PDCD11: variants seen among roughly 807,000 people sequenced by gnomAD.
PDCD11 encodes programmed cell death 11.
A neutral mutation model predicts 198.9 loss-of-function variants in PDCD11; 97 were observed. The observed-to-expected ratio is 0.49, with a 90% CI of 0.41 to 0.58. The LOEUF (loss-of-function observed/expected upper bound fraction) is 0.58, where lower values mean the gene tolerates loss of function less well. PDCD11 is among the 20% of genes least tolerant of loss of function. The probability of loss-of-function intolerance (pLI) is 0.00; values close to 1 mark genes in which losing one functional copy is unlikely to be tolerated. For missense variants in PDCD11, 2,102 were observed against 2,312.7 expected, an observed-to-expected ratio of 0.91 and a Z score of 1.87; for synonymous variants, 893 against 918.0, an observed-to-expected ratio of 0.97 and a Z score of 0.49.
At chr10:103,411,122 G>T (rs2030779426) in intron 8 of PDCD11, among the ~76,000 whole-genome samples, 1 of 151,268 alleles carries the variant, frequency 6.6e-6, no homozygotes, top group Non-Finnish European at 1.5e-5. Flanking sequence ...TCGCCATGTT[G>T]CCCAGACTGG....
rs903187855 is a variant in PDCD11 at position 103,430,626 on chromosome 10, C to T, written c.3369-1503C>T. On this transcript the variant is annotated intron_variant, in intron 21 of 35. Transcript: ENST00000369797. ...ATTTCTCTACATCCTCGCCAACACT[C>T]GTTATTTTCTTTTTTTTTTTTTTTT... Among the ~76,000 whole-genome samples the T allele has an allele frequency of 7.5e-4, 113 of 150,270 alleles. 1 individual carries two copies. Among genetic ancestry groups the T allele is most frequent in the African/African-American group, 2.5e-3 (101 of 40,992 alleles).
intron 19 of PDCD11, among the ~76,000 whole-genome samples, chr10:103,424,419 T>C (rs1413919237): frequency 6.6e-6 from 1 of 152,144 alleles, no homozygotes; most frequent in Non-Finnish European, 1.5e-5. Flanking sequence ...AATACTAACC[T>C]CTCATTCAGT....
intron 18 of PDCD11, 112 bp from the exon 19 acceptor site, chr10:103,423,431 A>G (rs779462544): frequency 2.5e-6 from 2 of 805,536 alleles, no homozygotes; most frequent in Admixed American, 2.1e-5. Context: ...GACCCAGGAC[A>G]TGTGTCCTCT....
chr10:103,401,029 A>G (rs911272574), intron 3 of PDCD11, among the ~76,000 whole-genome samples: 1 of 152,116 alleles, frequency 6.6e-6, no homozygotes. Flanking sequence ...TGTTGGGATT[A>G]TAGACATGAG....
Position 103,423,473 on chromosome 10 carries a change from C to T in PDCD11, c.2648-70C>T, listed in dbSNP as rs886344189. 6 of 1,152,624 alleles carry T rather than the reference C, an allele frequency of 5.2e-6. No homozygotes were observed. In the African/African-American group the frequency reaches 6.1e-5, roughly 12 times the overall value. 71.4% of individuals were successfully genotyped at this position (1,152,624 alleles called of 1,614,324 possible). ...TTTTGGATCTAAGGGGTAGCAGCTACATGTGAGAGGTGCTGCTCTCCCTTC... is the reference window on the plus strand; with the variant it reads ...TTTTGGATCTAAGGGGTAGCAGCTATATGTGAGAGGTGCTGCTCTCCCTTC... On this transcript the variant is annotated intron_variant, in intron 18 of 35. Transcript: ENST00000369797.
In PDCD11 at chr10:103,406,755, C is replaced by A; in HGVS notation, c.835C>A (p.Leu279Ile). The A allele has an allele frequency of 6.2e-7, 1 of 1,614,100 alleles. No homozygotes were observed. The highest frequency in any genetic ancestry group is 8.5e-7 in the Non-Finnish European group (1 of 1,179,972). Reference protein sequence around the residue: ...EQQSWNLNNLLPGLVVKAQVQ... With the variant: ...EQQSWNLNNLIPGLVVKAQVQ... ...GCAGAGCTGGAACCTTAATAACTTG[C>A]TACCAGGACTGGTGGTCAAAGCTCA... Residue 279 changes from leucine to isoleucine, a missense_variant, in exon 7 of 36, where the codon CTA (leucine) becomes ATA (isoleucine). By Grantham distance (5) the Leu-to-Ile change is conservative (BLOSUM62 2). Coordinates refer to ENST00000369797, the MANE Select transcript of PDCD11 (RefSeq NM_014976.2).
In PDCD11 at chr10:103,444,676, A is replaced by C; in HGVS notation, c.5438A>C (p.Asp1813Ala). ...DMTIKHGSQK[D>A]VRDIFERVIH... ...ACCATCAAGCACGGCAGCCAGAAGG[A>C]CGTCCGGTGAGTGGGGCAGCTGGCC... is the stretch of plus-strand genomic sequence containing the variant. Residue 1813 changes from aspartate (D) to alanine (A), a missense_variant, in exon 35 of 36, where the codon GAC becomes GCC. Transcript: ENST00000369797. The C allele has an allele frequency of 6.2e-7, 1 of 1,613,636 alleles. No individual in the cohort carries two copies. Among genetic ancestry groups the C allele is most frequent in the South Asian group, 1.1e-5 (1 of 91,060 alleles).
chr10:103,418,539 G>A lies in PDCD11; in HGVS notation c.2011G>A (p.Asp671Asn). The change falls in exon 15 of 36, where the codon GAC becomes AAC. Residue 671 changes from aspartate to asparagine, a missense_variant. By Grantham distance (23) the Asp-to-Asn change is conservative (BLOSUM62 1). Coordinates refer to ENST00000369797, the MANE Select transcript of PDCD11 (RefSeq NM_014976.2). ...RAFLPTSHLS[D>N]HVANGPLLHH... ...TTTCCTCCCCACATCTCATCTGTCG[G>A]ACCACGTTGCCAACGGCCCATTGTT... 1 of 1,614,160 alleles carries A rather than the reference G, an allele frequency of 6.2e-7. No individual in the cohort carries two copies. Among genetic ancestry groups the A allele is most frequent in the Non-Finnish European group, 8.5e-7 (1 of 1,180,032 alleles).
Position 103,438,048 on chromosome 10 carries a change from G to T in PDCD11, c.3879G>T (p.Leu1293Phe). The T allele has an allele frequency of 6.2e-7, 1 of 1,613,612 alleles. No homozygotes were observed. The highest frequency in any genetic ancestry group is 1.1e-5 in the South Asian group (1 of 91,030). The change falls in exon 26 of 36, where the codon TTG becomes TTT. Residue 1293 changes from leucine to phenylalanine, a missense_variant. Physicochemically the swap from Leu to Phe is conservative, Grantham distance 22. Transcript: ENST00000369797. ...TCCTGTCCACTGCAGACAACGTATT[G>T]ACTTTGTCGCTGCGATCATCCAGGT... ...CYILSTADNVLTLSLRSSRTN... is the reference protein window; with the variant it reads ...CYILSTADNVFTLSLRSSRTN...
At chr10:103,424,215 A>T (rs1205747777) in intron 19 of PDCD11, among the ~76,000 whole-genome samples, 1 of 152,154 alleles carries the variant, frequency 6.6e-6, no homozygotes, top group African/African-American at 2.4e-5. Context: ...TGTCTTCTGG[A>T]CACTTTTGTG....
rs1283858084 is a variant in PDCD11, at chr10:103,400,460, A to G, written c.166A>G (p.Lys56Glu). 1.2e-6 allele frequency: 2 copies of G among 1,614,106 alleles called. No homozygotes were observed. The highest frequency in any genetic ancestry group is 1.1e-5 in the South Asian group (1 of 91,070). Residue 56 changes from lysine (K) to glutamate (E), a missense_variant, in exon 3 of 36, where the codon AAG (lysine) becomes GAG (glutamate). Transcript: ENST00000369797. Reference sequence around the variant, plus strand: ...CCAGAAGGGGCCAGCAAAAACAAAAAAGTTGAAAATCGAAAAGAGAGAAAG... The same window carrying G: ...CCAGAAGGGGCCAGCAAAAACAAAAGAGTTGAAAATCGAAAAGAGAGAAAG... Reference protein sequence around the residue: ...KSQKGPAKTKKLKIEKRESSK... With the variant: ...KSQKGPAKTKELKIEKRESSK...
chr10:103,410,800 G>T (rs967429145), intron 8 of PDCD11, among the ~76,000 whole-genome samples: 21 of 151,758 alleles, frequency 1.4e-4, no homozygotes, highest in Non-Finnish European at 2.2e-4. Context: ...TTTAGGCCAG[G>T]TGTGGTGGCT....
chr10:103,412,899 T>G (rs540863151), intron 8 of PDCD11, among the ~76,000 whole-genome samples: 3 of 152,326 alleles, frequency 2.0e-5, no homozygotes, highest in African/African-American at 7.2e-5. Flanking sequence ...ATACCTGGCT[T>G]GAGTAAGCTT....
Position 103,417,880 on chromosome 10 carries a change from A to G in PDCD11, c.1859A>G (p.Lys620Arg). The change falls in exon 14 of 36, where the codon AAA (lysine) becomes AGA (arginine). Residue 620 changes from lysine (K) to arginine (R), a missense_variant. Physicochemically the swap from Lys to Arg is conservative, Grantham distance 26. Transcript: ENST00000369797. The stretch of plus-strand genomic sequence containing the variant: ...CTGTCGAGTGATCCAGAGCCAAAGA[A>G]AGAGCCTGCAGGACACAGTCAGAAG... Reference protein sequence around the residue: ...FKLSSDPEPKKEPAGHSQKKG... With the variant: ...FKLSSDPEPKREPAGHSQKKG... 4 of 1,614,238 alleles carry G rather than the reference A, an allele frequency of 2.5e-6. No individual in the cohort carries two copies. In the South Asian group the frequency reaches 4.4e-5, roughly 18 times the overall value.
At chr10:103,417,748 G>C (rs376901515) in intron 13 of PDCD11, 44 bp from the exon 14 acceptor site, 9 of 1,602,990 alleles carry the variant, frequency 5.6e-6, no homozygotes, top group African/African-American at 1.3e-5. Context: ...GGCCTGCAAG[G>C]CTTGCTGGGA....
chr10:103,410,290 C>G (rs1324184949), intron 8 of PDCD11, among the ~76,000 whole-genome samples: 1 of 150,442 alleles, frequency 6.6e-6, no homozygotes, highest in Non-Finnish European at 1.5e-5. Flanking sequence ...AGTGGCTGAA[C>G]TGAAATTAGA....
rs2292806 is a variant in PDCD11, at chr10:103,406,369, G to A, written c.689-240G>A. Among the ~76,000 whole-genome samples, 102 of 152,248 alleles carry A rather than the reference G, an allele frequency of 6.7e-4. No homozygotes were observed. In the East Asian group the frequency reaches 0.019, roughly 28 times the overall value. The stretch of plus-strand genomic sequence containing the variant: ...ATTCCACTGCAATTAGGGCCCCCAT[G>A]GCTTCTGAACCAGCAGTCTCCTGGC... On this transcript the variant is annotated intron_variant, in intron 6 of 35. Transcript: ENST00000369797.
In PDCD11 at chr10:103,425,492, G is replaced by T. The variant is rs370054051; in HGVS notation, c.3272G>T (p.Arg1091Leu). Residue 1091 changes from arginine to leucine, a missense_variant, in exon 20 of 36, where the codon CGA becomes CTA. Coordinates refer to ENST00000369797, the MANE Select transcript of PDCD11 (RefSeq NM_014976.2). ...AAGGTTGGGAAGACGGTCACTGCCCGAGTGATTGGCGGGCGAGACATGAAG... is the reference window on the plus strand; with the variant it reads ...AAGGTTGGGAAGACGGTCACTGCCCTAGTGATTGGCGGGCGAGACATGAAG... Reference protein sequence around the residue: ...KLKVGKTVTARVIGGRDMKTF... With the variant: ...KLKVGKTVTALVIGGRDMKTF... The T allele has an allele frequency of 9.9e-6, 16 of 1,611,588 alleles. No homozygotes were observed. In the East Asian group the frequency reaches 3.6e-4, roughly 36 times the overall value.
intron 27 of PDCD11, 140 bp downstream of exon 27, chr10:103,438,948 A>C: frequency 1.2e-6 from 1 of 833,898 alleles, no homozygotes; most frequent in South Asian, 1.9e-5. Flanking sequence ...CTCATTTTTA[A>C]AATTCCAAGT....
Sources: allele counts gnomAD v4.1 joint callset (sites outside exome capture counted in the v4.1 genomes callset), GRCh38; gene constraint gnomAD v4.1.1; transcripts MANE v1.5; gene names NCBI Gene and HGNC (gene_info 2026-07-23, HGNC 2026-07-21).